EHD3: variants seen among roughly 807,000 people sequenced by gnomAD.
EHD3 encodes the protein EH domain containing 3, also known as EH domain-containing protein 3.
EHD3 carries 17 observed loss-of-function variants against 43.0 expected under a neutral mutation model. The ratio of observed to expected loss-of-function variants is 0.40; its 90% confidence interval spans 0.27 to 0.59. The LOEUF (loss-of-function observed/expected upper bound fraction) is 0.59. Ranked by LOEUF, EHD3 falls within the 20% of genes least tolerant of loss-of-function variation. The probability of loss-of-function intolerance (pLI) is 0.49; values close to 1 mark genes in which losing one functional copy is unlikely to be tolerated. For missense variants in EHD3, 594 were observed against 705.6 expected (o/e 0.84, Z 1.79); for synonymous variants, 313 against 289.5 (o/e 1.08, Z -0.82).
chr2:31,244,209 A>T, intron 1 of EHD3, 65 bp from the exon 2 acceptor site: 1 of 1,523,006 alleles, frequency 6.6e-7, no homozygotes. Flanking sequence ...TCTGCCTTAT[A>T]GTAGACATGC....
intron 1 of EHD3, among the ~76,000 whole-genome samples, chr2:31,235,347 G>A (rs1683304456): frequency 6.6e-6 from 1 of 152,178 alleles, no homozygotes; most frequent in Non-Finnish European, 1.5e-5. Context: ...GAGGTGGCCT[G>A]GGGATGCTAC....
Position 31,267,010 on chromosome 2 carries a change from C to A in EHD3, c.*306C>A. The A allele has an allele frequency of 3.1e-6, 1 of 327,406 alleles. No individual in the cohort carries two copies. Among genetic ancestry groups the A allele is most frequent in the Non-Finnish European group, 5.6e-6 (1 of 180,046 alleles). The allele number at this position is 327,406 out of a possible 1,614,324, so 20.3% of individuals were successfully genotyped here. A position where few individuals can be genotyped will look rare whatever the true frequency, so the allele number is the denominator to read the frequency against. ...CCCAGATACCAGACCTGAGGCAATT[C>A]ACTTGCCAGCACAGATGGCCAACCC... On this transcript the variant is annotated 3_prime_UTR_variant, in exon 6 of 6. Transcript: ENST00000322054.
chr2:31,238,230 T>TAGGA (rs1683357543), intron 1 of EHD3, among the ~76,000 whole-genome samples: 1 of 152,202 alleles, frequency 6.6e-6, no homozygotes, highest in Non-Finnish European at 1.5e-5. Flanking sequence ...GAAGGCCTCC[T>TAGGA]CCTCTCCCTT....
chr2:31,242,080 C>T (rs926649376), intron 1 of EHD3, among the ~76,000 whole-genome samples: 3 of 152,060 alleles, frequency 2.0e-5, no homozygotes, highest in East Asian at 1.9e-4. Context: ...GGCTGGCTGC[C>T]GAGGCTCCTC....
Position 31,266,654 on chromosome 2 carries a change from G to C in EHD3, c.1558G>C (p.Glu520Gln). 2 of 1,612,786 alleles carry C rather than the reference G, an allele frequency of 1.2e-6. No homozygotes were observed. The highest frequency in any genetic ancestry group is 2.2e-5 in the South Asian group (2 of 91,026). ...GCTGGAGGGGCACGAGCTGCCCAAC[G>C]AGCTGCCTGCCCACCTCCTGCCCCC... ...VKLEGHELPN[E>Q]LPAHLLPPSK... The change falls in exon 6 of 6, where the codon GAG (glutamate) becomes CAG (glutamine). Residue 520 changes from glutamate (E) to glutamine (Q), a missense_variant. Physicochemically the swap from Glu to Gln is conservative, Grantham distance 29. Coordinates refer to ENST00000322054, the MANE Select transcript of EHD3 (RefSeq NM_014600.3). The surrounding 1 kb of genome is among the most constrained non-coding windows in gnomAD (Gnocchi z 5.1).
rs995892679 is a variant in EHD3 at position 31,260,333 on chromosome 2, T to G, written c.503-177T>G. Among the ~76,000 whole-genome samples, 3 of 152,176 alleles carry G rather than the reference T, an allele frequency of 2.0e-5. No homozygotes were observed. The highest frequency in any genetic ancestry group is 6.5e-5 in the Admixed American group (1 of 15,286). On this transcript the variant is annotated intron_variant, in intron 3 of 5. Transcript: ENST00000322054. The surrounding 1 kb of genome is among the most constrained non-coding windows in gnomAD (Gnocchi z 4.6). Reference sequence around the variant, plus strand: ...TAACAGTATTTTTAGACGAAAAAAATTCTATGAGACATTGAGTAATTTGCT... The same window carrying G: ...TAACAGTATTTTTAGACGAAAAAAAGTCTATGAGACATTGAGTAATTTGCT...
intron 3 of EHD3, among the ~76,000 whole-genome samples, chr2:31,251,485 C>T (rs1222092030): frequency 6.6e-6 from 1 of 152,148 alleles, no homozygotes; most frequent in Non-Finnish European, 1.5e-5. Context: ...TCCTCCTTAC[C>T]ACCTCTTGCT....
In EHD3 at chr2:31,266,067, G is replaced by C; in HGVS notation, c.1081-110G>C. ...GCCTCTAGGTCACAGGTCTTTCATT[G>C]TAGAAAGGGATCAGCTGTGAACATT... On this transcript the variant is annotated intron_variant, in intron 5 of 5. Transcript: ENST00000322054. The surrounding 1 kb of genome is among the most constrained non-coding windows in gnomAD (Gnocchi z 5.1). 2 of 1,368,008 alleles carry C rather than the reference G, an allele frequency of 1.5e-6. No individual in the cohort carries two copies. The highest frequency in any genetic ancestry group is 2.0e-6 in the Non-Finnish European group (2 of 1,016,048). The allele number at this position is 1,368,008 out of a possible 1,614,324, so 84.7% of individuals were successfully genotyped here.
chr2:31,245,553 A>ATTTTTTTT (rs1227122252), intron 2 of EHD3, among the ~76,000 whole-genome samples: 2 of 35,070 alleles, frequency 5.7e-5, no homozygotes, highest in African/African-American at 9.0e-5. Flanking sequence ...ATATATATAT[A>ATTTTTTTT]TTTTTTTTTT....
At position 31,269,172 on chromosome 2, in the gene EHD3, ACATGT is replaced by A. The variant is rs1001610275; in HGVS notation, c.*2476_*2480del. On this transcript the variant is annotated 3_prime_UTR_variant, in exon 6 of 6. Coordinates refer to ENST00000322054, the MANE Select transcript of EHD3 (RefSeq NM_014600.3). ...GAAACATTTAATAGGGAAAGCAGAG[ACATGT>A]CATGTCAGCCCCACAGACAAGAATT... 5 of 152,284 alleles carry A rather than the reference ACATGT, an allele frequency of 3.3e-5. No individual in the cohort carries two copies. Among genetic ancestry groups the A allele is most frequent in the African/African-American group, 9.6e-5 (4 of 41,556 alleles). The allele number at this position is 152,284 out of a possible 1,614,324, so 9.4% of individuals were successfully genotyped here.
intron 3 of EHD3, among the ~76,000 whole-genome samples, chr2:31,250,735 G>A (rs1378537799): frequency 6.6e-6 from 1 of 152,158 alleles, no homozygotes; most frequent in Non-Finnish European, 1.5e-5. Flanking sequence ...AAAATCAGAT[G>A]ACGCCATGCC....
chr2:31,264,029 C>T (rs1333632199), intron 5 of EHD3, among the ~76,000 whole-genome samples: 1 of 152,194 alleles, frequency 6.6e-6, no homozygotes, highest in African/African-American at 2.4e-5. Context: ...CTGTGTCAAA[C>T]CCTCGGGGAC....
chr2:31,249,447 GAGA>G lies in EHD3; in HGVS notation c.484_486del (p.Lys162del), dbSNP rs758830477. ...CGACACACCAGGGATCCTCTCTGGG[GAGA>G]AGCAGAGGATCAGCCGGGGTAAGCA... On this transcript the variant is annotated inframe_deletion, in exon 3 of 6. Coordinates refer to ENST00000322054, the MANE Select transcript of EHD3 (RefSeq NM_014600.3). 1 of 1,614,136 alleles carries G rather than the reference GAGA, an allele frequency of 6.2e-7. No homozygotes were observed. Among genetic ancestry groups the G allele is most frequent in the South Asian group, 1.1e-5 (1 of 91,076 alleles).
In EHD3 at chr2:31,257,470, C is replaced by T. The variant is rs58812944; in HGVS notation, c.503-3040C>T. 4.9e-3 allele frequency among the ~76,000 whole-genome samples: 748 copies of T among 152,118 alleles called. 8 individuals carry two copies. Among genetic ancestry groups the T allele is most frequent in the South Asian group, 0.028 (135 of 4,802 alleles). On this transcript the variant is annotated intron_variant, in intron 3 of 5. Coordinates refer to ENST00000322054, the MANE Select transcript of EHD3 (RefSeq NM_014600.3). ...GGGAGGGAGGGAGGGAGGCAGGGAG[C>T]GGCCAGGTGCAGAACGGCTGGATGG...
At chr2:31,252,349 G>C (rs1683653087) in intron 3 of EHD3, among the ~76,000 whole-genome samples, 1 of 152,232 alleles carries the variant, frequency 6.6e-6, no homozygotes, top group African/African-American at 2.4e-5. Context: ...AGTTTCCCTT[G>C]TAGTTGTGCA....
Position 31,266,635 on chromosome 2 carries a change from G to T in EHD3, c.1539G>T (p.Glu513Asp). The change falls in exon 6 of 6, where the codon GAG (glutamate) becomes GAT (aspartate). Residue 513 changes from glutamate (E) to aspartate (D), a missense_variant. Physicochemically the swap from Glu to Asp is conservative, Grantham distance 45. This residue lies in a region of EHD3 where 322 missense variants were observed against 348.0 expected (regional missense o/e 0.93). Coordinates refer to ENST00000322054, the MANE Select transcript of EHD3 (RefSeq NM_014600.3). The surrounding 1 kb of genome is among the most constrained non-coding windows in gnomAD (Gnocchi z 5.1). The stretch of plus-strand genomic sequence containing the variant: ...ACCACCTCATCAAAGTCAAGCTGGA[G>T]GGGCACGAGCTGCCCAACGAGCTGC... ...LANHLIKVKL[E>D]GHELPNELPA... is the part of the protein sequence containing the mutation. 6.2e-7 allele frequency: 1 copy of T among 1,614,018 alleles called. No homozygotes were observed. The highest frequency in any genetic ancestry group is 8.5e-7 in the Non-Finnish European group (1 of 1,179,974).
intron 1 of EHD3, among the ~76,000 whole-genome samples, chr2:31,238,775 T>C (rs961002616): frequency 6.6e-5 from 10 of 152,344 alleles, no homozygotes; most frequent in Admixed American, 6.5e-4. Context: ...GGTGAGTAGC[T>C]GGCTGCTCCA....
intron 2 of EHD3, 68 bp from the exon 3 acceptor site, chr2:31,249,303 G>A: frequency 7.1e-7 from 1 of 1,407,136 alleles, no homozygotes; most frequent in Admixed American, 1.7e-5. Context: ...AAGACAGGTG[G>A]TTGGAGTCAT....
chr2:31,238,169 T>C (rs1683356274), intron 1 of EHD3, among the ~76,000 whole-genome samples: 1 of 152,248 alleles, frequency 6.6e-6, no homozygotes, highest in South Asian at 2.1e-4. Flanking sequence ...CCTTCCCCAT[T>C]GCGAGTAAGG....
Sources: allele counts gnomAD v4.1 joint callset (sites outside exome capture counted in the v4.1 genomes callset), GRCh38; gene constraint gnomAD v4.1.1; regional missense constraint gnomAD v4.1.1; non-coding constraint Gnocchi (gnomAD v3.1); transcripts MANE v1.5; gene names NCBI Gene and HGNC (gene_info 2026-07-23, HGNC 2026-07-21).